Variants in ZNF577 observed in about 807,000 individuals in gnomAD.
The protein encoded by ZNF577 is zinc finger protein 577.
A neutral mutation model predicts 13.9 loss-of-function variants in ZNF577; 14 were observed. The observed-to-expected ratio is 1.00, with a 90% CI of 0.66 to 1.57. The LOEUF is 1.57. Among genes scored for constraint, ZNF577 ranks in the 40% most tolerant of loss-of-function variants. The pLI is 0.00. For synonymous variants in ZNF577, 203 were observed against 202.9 expected (o/e 1.00, Z 0.00); for missense variants, 555 against 579.2 (o/e 0.96, Z 0.43).
chr19:51,823,712 GA>G, intron 9 of ZNF577: 2 of 1,509,228 alleles, frequency 1.3e-6, no homozygotes, highest in Non-Finnish European at 1.8e-6. Flanking sequence ...TCACAGCTGA[GA>G]AATGGCCATT....
chr19:51,885,413 GAAGT>G (rs370044138), intron 1 of ZNF577, among the ~76,000 whole-genome samples: 1 of 152,316 alleles, frequency 6.6e-6, no homozygotes, highest in African/African-American at 2.4e-5. Flanking sequence ...GTTACTGAGA[GAAGT>G]ATGTTAAGAA....
intron 5 of ZNF577, chr19:51,861,530 A>T (rs758215872): frequency 1.3e-5 from 2 of 152,316 alleles, no homozygotes; most frequent in Non-Finnish European, 2.9e-5. Flanking sequence ...CTCCCACAAG[A>T]GTTCCAAAAG....
Position 51,867,516 on chromosome 19 carries a change from T to C in ZNF577, c.*5016A>G, listed in dbSNP as rs1388798749. Reference sequence around the variant, plus strand: ...CTGGCCAGGCGCGGTGGCTCACACCTGTAATCCCAGCACTTTGGGAGGCTG... The same window carrying C: ...CTGGCCAGGCGCGGTGGCTCACACCCGTAATCCCAGCACTTTGGGAGGCTG... On this transcript the variant is annotated 3_prime_UTR_variant, in exon 6 of 6. Transcript: ENST00000638348. Among the ~76,000 whole-genome samples the C allele has an allele frequency of 6.6e-6, 1 of 151,774 alleles. No homozygotes were observed. Among genetic ancestry groups the C allele is most frequent in the African/African-American group, 2.4e-5 (1 of 41,290 alleles).
chr19:51,822,351 G>C (rs1268574688), intron 9 of ZNF577, among the ~76,000 whole-genome samples: 1 of 152,164 alleles, frequency 6.6e-6, no homozygotes, highest in Non-Finnish European at 1.5e-5. Flanking sequence ...CGCAAAGATG[G>C]AGGAGGGATA....
intron 10 of ZNF577, among the ~76,000 whole-genome samples, chr19:51,807,724 G>A (rs1163181138): frequency 1.3e-5 from 2 of 152,240 alleles, no homozygotes; most frequent in African/African-American, 4.8e-5. Context: ...AATTTTGTCT[G>A]AGAGTAGTGG....
intron 9 of ZNF577, among the ~76,000 whole-genome samples, chr19:51,816,667 C>A (rs1035818282): frequency 6.6e-6 from 1 of 152,188 alleles, no homozygotes; most frequent in Non-Finnish European, 1.5e-5. Context: ...TGATTTATAG[C>A]CCATCAGTCA....
intron 10 of ZNF577, among the ~76,000 whole-genome samples, chr19:51,809,951 A>G (rs1452827454): frequency 6.6e-6 from 1 of 152,140 alleles, no homozygotes; most frequent in Non-Finnish European, 1.5e-5. Context: ...GGGGGGTGCC[A>G]TTCTGATGAA....
intron 5 of ZNF577, among the ~76,000 whole-genome samples, chr19:51,846,972 T>C (rs533217513): frequency 6.6e-6 from 1 of 152,272 alleles, no homozygotes; most frequent in East Asian, 1.9e-4. Context: ...ACTACCTCAC[T>C]CAATCCTCAA....
chr19:51,838,455 G>A (rs914871373), intron 9 of ZNF577, among the ~76,000 whole-genome samples: 8 of 150,974 alleles, frequency 5.3e-5, no homozygotes, highest in African/African-American at 7.3e-5. Flanking sequence ...TAAATTATTC[G>A]TTGTGCACAT....
chr19:51,824,450 T>C lies in ZNF577; in HGVS notation c.*600-12776A>G, dbSNP rs1359409788. On this transcript the variant is annotated intron_variant and NMD_transcript_variant, in intron 9 of 10. Coordinates refer to the ZNF577 transcript ENST00000638827. This position sits in a 1 kb window ranked among gnomAD's most constrained non-coding sequence, Gnocchi z 4.7. ...CCAAAATTCACAGAAACCACATGAT[T>C]AAATCCAGCCGTCCCTTACGTGTCT... 6.2e-7 allele frequency: 1 copy of C among 1,614,102 alleles called. No homozygotes were observed.
At chr19:51,877,535 A>G (rs1413419303) in intron 4 of ZNF577, 158 bp from the exon 5 acceptor site, 1 of 606,200 alleles carries the variant, frequency 1.6e-6, no homozygotes, top group Non-Finnish European at 2.9e-6. Context: ...AGGGAGGAAA[A>G]TAACAGTCTG....
chr19:51,819,827 G>A (rs942111056), intron 9 of ZNF577, among the ~76,000 whole-genome samples: 15 of 152,150 alleles, frequency 9.9e-5, no homozygotes, highest in African/African-American at 3.6e-4. Flanking sequence ...TCTTTTTAAA[G>A]GGAAGGGATA....
chr19:51,834,706 C>G (rs2084279649), intron 9 of ZNF577, among the ~76,000 whole-genome samples: 2 of 151,718 alleles, frequency 1.3e-5, no homozygotes, highest in South Asian at 4.1e-4. Flanking sequence ...TTTTTTAAGA[C>G]AGGGTCTTGC....
rs374346962 is a variant in ZNF577, at chr19:51,857,416, A to AAG, written c.284-12487_284-12486dup. 8.6e-3 allele frequency among the ~76,000 whole-genome samples: 1,062 copies of AAG among 123,390 alleles called. 21 individuals are homozygous for AAG. Among genetic ancestry groups the AAG allele is most frequent in the Middle Eastern group, 0.028 (7 of 252 alleles). 80.9% of individuals were successfully genotyped at this position (123,390 alleles called of 152,430 possible). ...AAAGAAAGAAAGAAAGAAAGAAAGA[A>AAG]AGAAAGAAAGAAAAGAAAAAACAAA... On this transcript the variant is annotated intron_variant and NMD_transcript_variant, in intron 5 of 10. Coordinates refer to the ZNF577 transcript ENST00000638827.
Position 51,873,531 on chromosome 19 carries a change from T to G in ZNF577, c.459A>C (p.Ala153=). 4.3e-6 allele frequency: 7 copies of G among 1,614,248 alleles called. No individual in the cohort carries two copies. Among genetic ancestry groups the G allele is most frequent in the Non-Finnish European group, 5.9e-6 (7 of 1,180,046 alleles). The part of the protein sequence containing the change: ...SQLNDLQKIC[A]GGKPHECSVC... ...CACTGCATTCATGTGGTTTCCCTCC[T>G]GCACAAATTTTTTGTAGGTCATTGA... The change falls in exon 6 of 6, where the codon GCA becomes GCC. Residue 153 remains alanine (A), a synonymous_variant. Transcript: ENST00000638348.
intron 5 of ZNF577, among the ~76,000 whole-genome samples, chr19:51,846,259 T>C (rs73063025): frequency 0.051 from 7,705 of 152,318 alleles, 284 homozygotes; most frequent in Middle Eastern, 0.078. Flanking sequence ...TGAGTTCTTG[T>C]CTCTATAAGA....
chr19:51,854,731 T>C (rs892996286), intron 5 of ZNF577, among the ~76,000 whole-genome samples: 2 of 152,144 alleles, frequency 1.3e-5, no homozygotes, highest in Admixed American at 1.3e-4. Context: ...ATCTGTTGCT[T>C]ATCCCCTCTA....
chr19:51,805,546 T>A (rs981697912), intron 10 of ZNF577, among the ~76,000 whole-genome samples: 1 of 152,232 alleles, frequency 6.6e-6, no homozygotes, highest in African/African-American at 2.4e-5. Flanking sequence ...GTTACACAAA[T>A]ACGAGTGTGA....
chr19:51,813,082 G>A (rs1245608352), intron 9 of ZNF577, among the ~76,000 whole-genome samples: 1 of 150,956 alleles, frequency 6.6e-6, no homozygotes, highest in Non-Finnish European at 1.5e-5. Flanking sequence ...TCACGCCACT[G>A]CACTCCAGCA....
Sources: allele counts gnomAD v4.1 joint callset (sites outside exome capture counted in the v4.1 genomes callset), GRCh38; gene constraint gnomAD v4.1.1; non-coding constraint Gnocchi (gnomAD v3.1); transcripts MANE v1.5; gene names NCBI Gene and HGNC (gene_info 2026-07-23, HGNC 2026-07-21).